The following DNAH14 variants were observed in gnomAD, a reference collection of about 807,000 sequenced individuals.
DNAH14 encodes the protein dynein axonemal heavy chain 14, also known as axonemal beta dynein heavy chain 14.
DNAH14 carries 478 observed loss-of-function variants against 520.9 expected under a neutral mutation model. The observed-to-expected ratio is 0.92, with a 90% CI of 0.85 to 0.99. The LOEUF (loss-of-function observed/expected upper bound fraction) is 0.99. Among genes scored for constraint, DNAH14 ranks in the 50% least tolerant of loss-of-function variants. The pLI is 0.00. For missense variants in DNAH14, 4,831 were observed against 5,234.5 expected (o/e 0.92, Z 2.38); for synonymous variants, 1,581 against 1,757.2 (o/e 0.90, Z 2.51).
At chr1:225,335,140 C>CACATGAGT (rs2094902202) in intron 66 of DNAH14, among the ~76,000 whole-genome samples, 1 of 109,228 alleles carries the variant, frequency 9.2e-6, no homozygotes, top group Non-Finnish European at 1.9e-5. Context: ...TGTGCATGTG[C>CACATGAGT]ACATGTGTAC....
intron 66 of DNAH14, among the ~76,000 whole-genome samples, chr1:225,334,726 C>A (rs182062354): frequency 6.6e-6 from 1 of 151,324 alleles, no homozygotes; most frequent in Non-Finnish European, 1.5e-5. Flanking sequence ...ATTGCACATG[C>A]ACAATGGTGA....
At chr1:224,933,593 G>C (rs547586074) in intron 1 of DNAH14, among the ~76,000 whole-genome samples, 1 of 151,932 alleles carries the variant, frequency 6.6e-6, no homozygotes, top group Non-Finnish European at 1.5e-5. Context: ...TTACTTTGAG[G>C]TATGTTCCTT....
At chr1:225,006,016 T>G (rs2501127) in intron 9 of DNAH14, among the ~76,000 whole-genome samples, 22,852 of 152,034 alleles carry the variant, frequency 0.15, 3,149 homozygotes, top group African/African-American at 0.36. Context: ...CACGGCAGAA[T>G]AACATAAATT....
chr1:224,973,055 T>A (rs1260912838), intron 7 of DNAH14, among the ~76,000 whole-genome samples: 1 of 152,172 alleles, frequency 6.6e-6, no homozygotes, highest in Non-Finnish European at 1.5e-5. Flanking sequence ...CTCTATGGAT[T>A]TGGATTAAAG....
Position 225,117,907 on chromosome 1 carries a change from T to C in DNAH14, c.3999T>C (p.Asn1333=), listed in dbSNP as rs546248311. ...CTCATCTTGTGAAATGCTTTGAAAA[T>C]ATAAAACAATTATTGATATGGAAAC... The part of the protein sequence containing the change: ...VQPHLVKCFE[N]IKQLLIWKQD... Residue 1333 remains asparagine, a synonymous_variant, in exon 25 of 86, where the codon AAT becomes AAC. Coordinates refer to ENST00000682510, the MANE Select transcript of DNAH14 (RefSeq NM_001367479.1). 5.8e-6 allele frequency: 9 copies of C among 1,550,424 alleles called. No individual in the cohort carries two copies. In the South Asian group the frequency reaches 7.1e-5, roughly 12 times the overall value.
chr1:225,291,620 G>T (rs1016026219), intron 55 of DNAH14, among the ~76,000 whole-genome samples: 1 of 151,990 alleles, frequency 6.6e-6, no homozygotes, highest in Non-Finnish European at 1.5e-5. Flanking sequence ...GTGTTGCCCA[G>T]ACTCATATGT....
At chr1:225,335,121 G>A (rs943004887) in intron 66 of DNAH14, among the ~76,000 whole-genome samples, 1 of 144,618 alleles carries the variant, frequency 6.9e-6, no homozygotes, top group Admixed American at 6.9e-5. Flanking sequence ...ATATATACAT[G>A]TGTACATATG....
At position 225,023,644 on chromosome 1, in the gene DNAH14, T is replaced by C; in HGVS notation, c.1137T>C (p.Tyr379=). ...KVAEKNEIKE[Y]FESKLSEDDT... ...CAGAAAAGAATGAAATCAAAGAGTA[T>C]TTTGAGTCAAAACTCTCTGAAGATG... Residue 379 remains tyrosine, a synonymous_variant, in exon 11 of 86, where the codon TAT becomes TAC. Transcript: ENST00000682510. 3 of 1,542,692 alleles carry C rather than the reference T, an allele frequency of 1.9e-6. No homozygotes were observed. Among genetic ancestry groups the C allele is most frequent in the Non-Finnish European group, 2.6e-6 (3 of 1,141,674 alleles).
At chr1:225,026,893 G>T (rs1222189063) in intron 11 of DNAH14, among the ~76,000 whole-genome samples, 1 of 152,028 alleles carries the variant, frequency 6.6e-6, no homozygotes, top group African/African-American at 2.4e-5. Context: ...CATGAACATG[G>T]TCTGTCTTTC....
chr1:224,942,761 T>C (rs1011444914), intron 1 of DNAH14, among the ~76,000 whole-genome samples: 1 of 152,222 alleles, frequency 6.6e-6, no homozygotes. Flanking sequence ...ATTGAGATAA[T>C]CATGTGGTTT....
At chr1:225,214,025 T>C (rs959780407) in intron 41 of DNAH14, among the ~76,000 whole-genome samples, 1 of 152,198 alleles carries the variant, frequency 6.6e-6, no homozygotes, top group Non-Finnish European at 1.5e-5. Flanking sequence ...GCCCATTGAG[T>C]ATGATATTGG....
At chr1:225,152,930 A>G in intron 33 of DNAH14, 47 bp downstream of exon 33, 1 of 1,530,990 alleles carries the variant, frequency 6.5e-7, no homozygotes, top group East Asian at 2.5e-5. Flanking sequence ...TTATATAAAA[A>G]TAACCTTAAG....
intron 41 of DNAH14, 136 bp from the exon 42 acceptor site, chr1:225,230,937 C>G: frequency 1.7e-6 from 1 of 578,784 alleles, no homozygotes; most frequent in Non-Finnish European, 3.0e-6. Context: ...AGTTAATTCT[C>G]AGATACTGTA....
chr1:224,984,871 T>C (rs2062520760), intron 8 of DNAH14, among the ~76,000 whole-genome samples: 1 of 152,070 alleles, frequency 6.6e-6, no homozygotes, highest in South Asian at 2.1e-4. Flanking sequence ...GAAAAAATGC[T>C]CAACATCACT....
chr1:225,308,363 G>A lies in DNAH14; in HGVS notation c.9193G>A (p.Glu3065Lys), dbSNP rs1205489263. The A allele has an allele frequency of 6.5e-7, 1 of 1,542,476 alleles. No individual in the cohort carries two copies. The highest frequency in any genetic ancestry group is 2.0e-5 in the Admixed American group (1 of 48,910). The change falls in exon 60 of 86, where the codon GAA becomes AAA. Residue 3065 changes from glutamate (E) to lysine (K), a missense_variant. Coordinates refer to ENST00000682510, the MANE Select transcript of DNAH14 (RefSeq NM_001367479.1). Reference sequence around the variant, plus strand: ...AGTTCAGATGCTTGTTAAACAGGATGAAGAAATTGTGGCAGAAGAAGTAAG... The same window carrying A: ...AGTTCAGATGCTTGTTAAACAGGATAAAGAAATTGTGGCAGAAGAAGTAAG... ...EKVQMLVKQDEEIVAEEVRIV... is the reference protein window; with the variant it reads ...EKVQMLVKQDKEIVAEEVRIV...
intron 47 of DNAH14, 138 bp downstream of exon 47, chr1:225,264,399 C>T (rs1003592821): frequency 1.7e-5 from 13 of 772,630 alleles, no homozygotes; most frequent in Non-Finnish European, 2.5e-5. Context: ...CAAAAACTAT[C>T]CCACACCCTC....
intron 59 of DNAH14, among the ~76,000 whole-genome samples, chr1:225,307,787 T>C (rs2094279010): frequency 6.6e-6 from 1 of 152,208 alleles, no homozygotes; most frequent in African/African-American, 2.4e-5. Context: ...AGTAACATTA[T>C]TACATTTTGA....
chr1:224,991,261 ATTT>A (rs60395237), intron 8 of DNAH14, among the ~76,000 whole-genome samples: 17 of 134,940 alleles, frequency 1.3e-4, no homozygotes, highest in African/African-American at 3.8e-4. Flanking sequence ...TGCCCAGCTA[ATTT>A]TTTTTTTTTT....
Position 225,265,193 on chromosome 1 carries a change from A to G in DNAH14, c.7234A>G (p.Lys2412Glu). Residue 2412 changes from lysine (K) to glutamate (E), a missense_variant, in exon 48 of 86, where the codon AAA becomes GAA. Coordinates refer to ENST00000682510, the MANE Select transcript of DNAH14 (RefSeq NM_001367479.1). ...TATGSSDNPT[K>E]KPEVRTNKKL... ...GTTTGGCATCACAGATAATCCCACT[A>G]AAAAGCCAGAAGTTAGAACTAATAA... is the stretch of plus-strand genomic sequence containing the variant. 2 of 1,474,572 alleles carry G rather than the reference A, an allele frequency of 1.4e-6. No individual in the cohort carries two copies. Among genetic ancestry groups the G allele is most frequent in the Non-Finnish European group, 8.9e-7 (1 of 1,119,412 alleles). The allele number at this position is 1,474,572 out of a possible 1,614,324, so 91.3% of individuals were successfully genotyped here.
Sources: gnomAD v4.1 joint callset for allele counts (sites outside exome capture counted in the v4.1 genomes callset) on GRCh38, gnomAD v4.1.1 for gene constraint, MANE v1.5 for transcripts, NCBI Gene and HGNC (gene_info 2026-07-23, HGNC 2026-07-21) for gene names.